Variants in SLAIN1 observed in about 807,000 individuals in gnomAD.
The protein encoded by SLAIN1 is SLAIN motif-containing protein 1.
Under a neutral mutation model 55.4 loss-of-function variants are expected in SLAIN1, and 17 were observed. The ratio of observed to expected loss-of-function variants is 0.31; its 90% CI spans 0.21 to 0.46. The LOEUF is 0.46. SLAIN1 is among the 20% of genes least tolerant of loss of function. The pLI is 1.00. For synonymous variants in SLAIN1, 348 were observed against 337.4 expected (o/e 1.03, Z -0.35); for missense variants, 682 against 785.1 (o/e 0.87, Z 1.57).
At chr13:77,710,059 A>T (rs960417502) in intron 1 of SLAIN1, among the ~76,000 whole-genome samples, 12 of 152,142 alleles carry the variant, frequency 7.9e-5, no homozygotes, top group Non-Finnish European at 7.4e-5. Flanking sequence ...GGTGTGAGCC[A>T]CCGCATCTGG....
chr13:77,744,533 T>C, intron 3 of SLAIN1, 101 bp downstream of exon 3: 1 of 1,569,296 alleles, frequency 6.4e-7, no homozygotes, highest in Non-Finnish European at 8.6e-7. Flanking sequence ...GGCAAATAAT[T>C]AGATTCTTTC....
At chr13:77,716,244 AT>A (rs200036275) in intron 1 of SLAIN1, among the ~76,000 whole-genome samples, 2 of 146,162 alleles carry the variant, frequency 1.4e-5, no homozygotes, top group African/African-American at 5.1e-5. Context: ...TTTCTGGGCT[AT>A]TTTTTTCCAC....
At chr13:77,729,468 C>A (rs78795196) in intron 2 of SLAIN1, among the ~76,000 whole-genome samples, 1 of 151,606 alleles carries the variant, frequency 6.6e-6, no homozygotes, top group African/African-American at 2.4e-5. Context: ...ACTACTGTGA[C>A]GGTTGATTAA....
chr13:77,698,946 T>G lies in SLAIN1; in HGVS notation c.626+407T>G. 1 of 1,534,150 alleles carries G rather than the reference T, an allele frequency of 6.5e-7. No individual in the cohort carries two copies. The highest frequency in any genetic ancestry group is 8.7e-7 in the Non-Finnish European group (1 of 1,146,756). ...GGGATGGTAGGGGTTGGCCTCTGTC[T>G]GCGACTGTTACTGTTCTTTCGTTTT... On this transcript the variant is annotated intron_variant, in intron 1 of 6. Transcript: ENST00000418532. This position sits in a 1 kb window ranked among gnomAD's most constrained non-coding sequence, Gnocchi z 4.1.
At chr13:77,748,946 G>A (rs1004075605) in intron 4 of SLAIN1, among the ~76,000 whole-genome samples, 2 of 152,086 alleles carry the variant, frequency 1.3e-5, no homozygotes, top group Non-Finnish European at 2.9e-5. Context: ...ATGAAATAAT[G>A]AATGTTACAT....
intron 2 of SLAIN1, among the ~76,000 whole-genome samples, chr13:77,728,777 T>C (rs1315448262): frequency 6.6e-6 from 1 of 152,218 alleles, no homozygotes; most frequent in Non-Finnish European, 1.5e-5. Flanking sequence ...ATCAAATGTC[T>C]GTCTTCTGGA....
Position 77,716,439 on chromosome 13 carries a change from A to G in SLAIN1, c.627-3093A>G, listed in dbSNP as rs187535229. 2.2e-4 allele frequency among the ~76,000 whole-genome samples: 33 copies of G among 151,408 alleles called. No homozygotes were observed. The East Asian group carries it at 6.4e-3, about 29-fold the overall frequency. ...AAAGCTTGCTGGAATTTCTATTGGG[A>G]TTTTGCAAATTATGTGGACCAATTT... On this transcript the variant is annotated intron_variant, in intron 1 of 6. Coordinates refer to ENST00000418532, the MANE Select transcript of SLAIN1 (RefSeq NM_001242868.2).
chr13:77,716,200 T>C (rs999122296), intron 1 of SLAIN1, among the ~76,000 whole-genome samples: 1 of 152,038 alleles, frequency 6.6e-6, no homozygotes, highest in Non-Finnish European at 1.5e-5. Context: ...TAAATTGTGT[T>C]TTACTAAAAA....
chr13:77,750,988 A>C (rs967239652), intron 4 of SLAIN1, among the ~76,000 whole-genome samples: 1 of 152,194 alleles, frequency 6.6e-6, no homozygotes, highest in Non-Finnish European at 1.5e-5. Context: ...GGGAGCAAAA[A>C]TTGCTGGACA....
At chr13:77,701,235 C>A (rs943252016) in intron 1 of SLAIN1, among the ~76,000 whole-genome samples, 1 of 124,708 alleles carries the variant, frequency 8.0e-6, no homozygotes, top group Admixed American at 7.6e-5. Context: ...AATAGCACTT[C>A]CTGCTAAAAA....
chr13:77,698,784 C>A lies in SLAIN1; in HGVS notation c.626+245C>A. On this transcript the variant is annotated intron_variant, in intron 1 of 6. Coordinates refer to ENST00000418532, the MANE Select transcript of SLAIN1 (RefSeq NM_001242868.2). The surrounding 1 kb of genome is among the most constrained non-coding windows in gnomAD (Gnocchi z 4.1). ...TGCGGATGAACCGGCCCCCCCTTCC[C>A]CCCATCTGCCATGGGTTCTGCTATT... is the stretch of plus-strand genomic sequence containing the variant. 1 of 1,250,432 alleles carries A rather than the reference C, an allele frequency of 8.0e-7. No individual in the cohort carries two copies. The highest frequency in any genetic ancestry group is 1.5e-5 in the African/African-American group (1 of 66,466). 77.5% of individuals were successfully genotyped at this position (1,250,432 alleles called of 1,614,324 possible). A position where few individuals can be genotyped will look rare whatever the true frequency, so the allele number is the denominator to read the frequency against.
At chr13:77,745,774 G>A (rs1873770088) in intron 3 of SLAIN1, among the ~76,000 whole-genome samples, 1 of 152,052 alleles carries the variant, frequency 6.6e-6, no homozygotes, top group Admixed American at 6.6e-5. Context: ...TTTAGTAAAA[G>A]CAAATTTAAA....
At chr13:77,735,738 A>G (rs1426387480) in intron 2 of SLAIN1, among the ~76,000 whole-genome samples, 2 of 152,118 alleles carry the variant, frequency 1.3e-5, no homozygotes, top group Admixed American at 6.6e-5. Flanking sequence ...CAGAAACCCT[A>G]TGGCCAGCAA....
At chr13:77,714,394 T>G (rs1416812511) in intron 1 of SLAIN1, among the ~76,000 whole-genome samples, 1 of 152,126 alleles carries the variant, frequency 6.6e-6, no homozygotes, top group Non-Finnish European at 1.5e-5. Flanking sequence ...GGAAGATCAC[T>G]TGAGCCCAGG....
intron 2 of SLAIN1, chr13:77,741,397 A>T: frequency 2.0e-6 from 2 of 987,476 alleles, no homozygotes; most frequent in Non-Finnish European, 2.4e-6. Context: ...CTGGAAGTGC[A>T]TGTCTGTGTT....
intron 1 of SLAIN1, among the ~76,000 whole-genome samples, chr13:77,714,134 C>T (rs1454487431): frequency 6.6e-6 from 1 of 152,020 alleles, no homozygotes; most frequent in African/African-American, 2.4e-5. Flanking sequence ...AAAAATCCTG[C>T]ACCTTCTGCA....
At chr13:77,714,393 C>T (rs1217191298) in intron 1 of SLAIN1, among the ~76,000 whole-genome samples, 5 of 152,162 alleles carry the variant, frequency 3.3e-5, no homozygotes. Context: ...AGGAAGATCA[C>T]TTGAGCCCAG....
At chr13:77,715,338 A>G (rs965755849) in intron 1 of SLAIN1, among the ~76,000 whole-genome samples, 3 of 152,114 alleles carry the variant, frequency 2.0e-5, no homozygotes, top group Non-Finnish European at 4.4e-5. Context: ...TTATCCACTC[A>G]TCTTTTGATG....
chr13:77,716,193 A>AT (rs1179989440), intron 1 of SLAIN1, among the ~76,000 whole-genome samples: 1 of 151,720 alleles, frequency 6.6e-6, no homozygotes, highest in African/African-American at 2.4e-5. Flanking sequence ...TATCCTTTAA[A>AT]TTGTGTTTTA....
Sources: allele counts gnomAD v4.1 joint callset (sites outside exome capture counted in the v4.1 genomes callset), GRCh38; gene constraint gnomAD v4.1.1; non-coding constraint Gnocchi (gnomAD v3.1); transcripts MANE v1.5; gene names NCBI Gene and HGNC (gene_info 2026-07-23, HGNC 2026-07-21).